The following IGFL2 variants were observed in gnomAD, a reference collection of about 807,000 sequenced individuals.
IGFL2 encodes IGF like family member 2.
A neutral mutation model predicts 13.9 loss-of-function variants in IGFL2; 7 were observed. That is an observed-to-expected ratio of 0.51 (90% CI 0.29 to 0.95). The LOEUF is 0.95. IGFL2 is among the 40% of genes least tolerant of loss of function. The probability of loss-of-function intolerance (pLI) is 0.08; values close to 1 mark genes in which losing one functional copy is unlikely to be tolerated. For missense variants in IGFL2, 138 were observed against 147.8 expected (o/e 0.93, Z 0.34); for synonymous variants, 55 against 55.8 (o/e 0.99, Z 0.07).
Position 46,148,243 on chromosome 19 carries a change from G to C in IGFL2, c.-36G>C. 6.5e-7 allele frequency: 1 copy of C among 1,548,864 alleles called. No individual in the cohort carries two copies. The highest frequency in any genetic ancestry group is 8.7e-7 in the Non-Finnish European group (1 of 1,144,462). On this transcript the variant is annotated 5_prime_UTR_variant, in exon 1 of 4. Transcript: ENST00000377693. The stretch of plus-strand genomic sequence containing the variant: ...CCTGTATAAAGTCACTGACCCATTT[G>C]CACTGCTGCTGTCCCATCAGCTGCT...
chr19:46,112,191 C>G, the IGFL2 span: 1 of 152,204 alleles, frequency 6.6e-6, no homozygotes, highest in Non-Finnish European at 1.5e-5. Context: ...TTCAACAAAA[C>G]TGAGAGTTTA....
At chr19:46,125,878 C>A in the IGFL2 span, among the ~76,000 whole-genome samples, 9 of 152,176 alleles carry the variant, frequency 5.9e-5, no homozygotes, top group African/African-American at 1.9e-4. Flanking sequence ...ATAATAATAT[C>A]TTTAATATAC....
At chr19:46,112,570 C>T in the IGFL2 span, among the ~76,000 whole-genome samples, 1 of 152,328 alleles carries the variant, frequency 6.6e-6, no homozygotes, top group Non-Finnish European at 1.5e-5. Context: ...GACCACAAAG[C>T]ATAGATGAAC....
intron 1 of IGFL2, among the ~76,000 whole-genome samples, chr19:46,156,545 T>G (rs1973833651): frequency 6.6e-6 from 1 of 152,170 alleles, no homozygotes; most frequent in African/African-American, 2.4e-5. Context: ...TCTAAATAAC[T>G]CATGGTTTAA....
At chr19:46,124,024 G>C in the IGFL2 span, 4 of 1,611,346 alleles carry the variant, frequency 2.5e-6, no homozygotes, top group African/African-American at 5.4e-5. Context: ...GGTGCAGGTG[G>C]AGCCACAGCG....
At chr19:46,114,928 A>T in the IGFL2 span, among the ~76,000 whole-genome samples, 1 of 152,212 alleles carries the variant, frequency 6.6e-6, no homozygotes, top group East Asian at 1.9e-4. Context: ...AGTAAGGCCC[A>T]GAAATTTGCA....
the IGFL2 span, among the ~76,000 whole-genome samples, chr19:46,086,908 T>C: frequency 6.6e-6 from 1 of 152,188 alleles, no homozygotes; most frequent in Non-Finnish European, 1.5e-5. Context: ...ATCAGTGGTG[T>C]CTTTCATTTT....
intron 1 of IGFL2, chr19:46,159,592 C>T (rs1974025985): frequency 6.6e-6 from 1 of 152,198 alleles, no homozygotes; most frequent in South Asian, 2.1e-4. Context: ...GCTGCCTGTA[C>T]ATGTTTTCAC....
chr19:46,162,095 G>T (rs779012676), downstream of IGFL2, among the ~76,000 whole-genome samples: 4 of 152,214 alleles, frequency 2.6e-5, no homozygotes, highest in Non-Finnish European at 4.4e-5. Flanking sequence ...CTTGGTTGAA[G>T]ACTTTTTCTT....
chr19:46,154,942 C>T (rs993330760), intron 1 of IGFL2, among the ~76,000 whole-genome samples: 8 of 152,188 alleles, frequency 5.3e-5, no homozygotes, highest in South Asian at 2.1e-4. Flanking sequence ...CGGGCAGAAC[C>T]GCTGAGCCAC....
chr19:46,171,238 G>A, the IGFL2 span, among the ~76,000 whole-genome samples: 142 of 152,220 alleles, frequency 9.3e-4, 2 homozygotes, highest in African/African-American at 2.4e-3. Flanking sequence ...AAGAACCTAC[G>A]TTGAATTATC....
chr19:46,148,227 AG>A (rs1282649844), upstream of IGFL2: 2 of 1,529,618 alleles, frequency 1.3e-6, no homozygotes, highest in East Asian at 4.9e-5. Context: ...CCCTGTATAA[AG>A]TCACTGACCC....
the IGFL2 span, among the ~76,000 whole-genome samples, chr19:46,168,279 AAG>A: frequency 1.3e-5 from 2 of 152,220 alleles, no homozygotes; most frequent in Admixed American, 1.3e-4. Flanking sequence ...GTTGGTTAAA[AAG>A]ATTAATAACA....
the IGFL2 span, among the ~76,000 whole-genome samples, chr19:46,193,146 C>A: frequency 6.6e-6 from 1 of 152,036 alleles, no homozygotes; most frequent in African/African-American, 2.4e-5. Context: ...GAGCCAAGAT[C>A]GTGTCACTGC....
upstream of IGFL2, among the ~76,000 whole-genome samples, chr19:46,141,946 C>T (rs561948785): frequency 7.9e-4 from 121 of 152,286 alleles, 1 homozygote; most frequent in Middle Eastern, 0.017. Context: ...TACCTCACCC[C>T]TCCCTTGCTC....
chr19:46,132,417 A>G, the IGFL2 span, among the ~76,000 whole-genome samples: 2 of 152,254 alleles, frequency 1.3e-5, no homozygotes, highest in South Asian at 2.1e-4. Context: ...TCATTGGGAC[A>G]TAAGTGACAC....
At chr19:46,201,775 G>A in the IGFL2 span, among the ~76,000 whole-genome samples, 1 of 152,190 alleles carries the variant, frequency 6.6e-6, no homozygotes, top group Non-Finnish European at 1.5e-5. Context: ...GCTTTAGGTT[G>A]GGGAGAAGGG....
At chr19:46,109,595 C>T in the IGFL2 span, among the ~76,000 whole-genome samples, 2 of 152,044 alleles carry the variant, frequency 1.3e-5, no homozygotes, top group East Asian at 1.9e-4. Flanking sequence ...GGATTACAGG[C>T]GTGAGACACC....
the IGFL2 span, among the ~76,000 whole-genome samples, chr19:46,085,470 G>A: frequency 6.6e-6 from 1 of 151,990 alleles, no homozygotes; most frequent in South Asian, 2.1e-4. Flanking sequence ...GCTCTTTTTT[G>A]TTCTCTGTTT....
Sources: gnomAD v4.1 joint callset for allele counts (sites outside exome capture counted in the v4.1 genomes callset) on GRCh38, gnomAD v4.1.1 for gene constraint, MANE v1.5 for transcripts, NCBI Gene and HGNC (gene_info 2026-07-23, HGNC 2026-07-21) for gene names.